GRM7: variants seen among roughly 807,000 people sequenced by gnomAD.
GRM7 encodes the protein metabotropic glutamate receptor 7.
GRM7 carries 35 observed loss-of-function variants against 84.5 expected under a neutral mutation model. The ratio of observed to expected loss-of-function variants is 0.41; its 90% CI spans 0.32 to 0.55. GRM7 has a LOEUF of 0.55. Ranked by LOEUF, GRM7 falls within the 20% of genes least tolerant of loss-of-function variation. GRM7 has a pLI of 0.19. For synonymous variants in GRM7, 487 were observed against 455.1 expected (o/e 1.07, Z -0.89); for missense variants, 1,003 against 1,194.6 (o/e 0.84, Z 2.36).
chr3:7,021,392 G>A (rs1695769082), intron 1 of GRM7, among the ~76,000 whole-genome samples: 1 of 152,168 alleles, frequency 6.6e-6, no homozygotes, highest in South Asian at 2.1e-4. Context: ...TGGAAGAGAA[G>A]GTTATGTGAA....
intron 2 of GRM7, among the ~76,000 whole-genome samples, chr3:7,159,849 C>A (rs1170778485): frequency 3.9e-5 from 6 of 152,086 alleles, no homozygotes; most frequent in African/African-American, 1.4e-4. Flanking sequence ...ATTTTAAAAA[C>A]TAAAAGTTCA....
intron 1 of GRM7, among the ~76,000 whole-genome samples, chr3:7,010,596 A>G (rs1695337302): frequency 1.3e-5 from 2 of 152,236 alleles, no homozygotes; most frequent in Admixed American, 6.5e-5. Context: ...GTGATAAGAC[A>G]TTGAAGATGG....
intron 2 of GRM7, among the ~76,000 whole-genome samples, chr3:7,258,023 C>T (rs1348556564): frequency 6.6e-6 from 1 of 152,140 alleles, no homozygotes; most frequent in Non-Finnish European, 1.5e-5. Flanking sequence ...TATACCCCAA[C>T]TCTAAAAGTG....
chr3:7,046,978 G>A (rs1696825919), intron 1 of GRM7, among the ~76,000 whole-genome samples: 1 of 151,998 alleles, frequency 6.6e-6, no homozygotes, highest in African/African-American at 2.4e-5. Flanking sequence ...ACTGAAAACA[G>A]GAAGGGGATA....
intron 4 of GRM7, among the ~76,000 whole-genome samples, chr3:7,342,535 A>C (rs1443697438): frequency 6.6e-6 from 1 of 152,152 alleles, no homozygotes; most frequent in African/African-American, 2.4e-5. Context: ...TCCAGAGTAC[A>C]CCGAGGGAAG....
intron 1 of GRM7, among the ~76,000 whole-genome samples, chr3:6,895,830 A>T (rs1267928507): frequency 6.6e-6 from 1 of 152,144 alleles, no homozygotes; most frequent in Non-Finnish European, 1.5e-5. Context: ...ACTGAATGGA[A>T]ATGAACATGT....
At chr3:7,397,084 C>G (rs1266637579) in intron 4 of GRM7, among the ~76,000 whole-genome samples, 6 of 151,970 alleles carry the variant, frequency 3.9e-5, no homozygotes. Context: ...CACCATTTTA[C>G]TATGATTATA....
At chr3:7,566,010 T>A (rs968906030) in intron 7 of GRM7, among the ~76,000 whole-genome samples, 12 of 151,996 alleles carry the variant, frequency 7.9e-5, no homozygotes, top group African/African-American at 2.4e-4. Context: ...AAGGGAGATA[T>A]CAAAGATGAC....
intron 8 of GRM7, among the ~76,000 whole-genome samples, chr3:7,648,330 C>T (rs1286765074): frequency 2.0e-5 from 3 of 150,746 alleles, no homozygotes; most frequent in Non-Finnish European, 4.4e-5. Flanking sequence ...ATAATTGAAG[C>T]AAGACTTGAA....
intron 7 of GRM7, among the ~76,000 whole-genome samples, chr3:7,548,412 G>A (rs2125022824): frequency 6.6e-6 from 1 of 152,248 alleles, no homozygotes; most frequent in African/African-American, 2.4e-5. Context: ...CCTGCTTCTG[G>A]TATAGCCTAC....
intron 2 of GRM7, among the ~76,000 whole-genome samples, chr3:7,189,793 CAA>C (rs1386788919): frequency 6.6e-6 from 1 of 151,994 alleles, no homozygotes; most frequent in Non-Finnish European, 1.5e-5. Context: ...TTAATGGTAA[CAA>C]ATCATCTTGC....
intron 1 of GRM7, among the ~76,000 whole-genome samples, chr3:7,110,105 A>T (rs1692792396): frequency 6.6e-6 from 1 of 152,128 alleles, no homozygotes; most frequent in African/African-American, 2.4e-5. Flanking sequence ...TTATTTTAAA[A>T]ACTGAAGATG....
At chr3:6,886,660 A>G (rs967249155) in intron 1 of GRM7, among the ~76,000 whole-genome samples, 6 of 152,052 alleles carry the variant, frequency 3.9e-5, no homozygotes, top group Non-Finnish European at 8.8e-5. Context: ...TCTGATATAT[A>G]GAATATTTGT....
intron 8 of GRM7, among the ~76,000 whole-genome samples, chr3:7,677,289 A>AAAAAAAAAACAAAAAAAC (rs1700172717): frequency 6.8e-6 from 1 of 146,754 alleles, no homozygotes; most frequent in African/African-American, 2.5e-5. Context: ...AAAAAAAAAA[A>AAAAAAAAAACAAAAAAAC]AAAAACTTAC....
At chr3:7,201,003 T>A (rs1001511870) in intron 2 of GRM7, among the ~76,000 whole-genome samples, 2 of 123,260 alleles carry the variant, frequency 1.6e-5, no homozygotes, top group African/African-American at 3.3e-5. Context: ...ACAGTCTCAC[T>A]CTGTCGCCCA....
chr3:7,416,744 G>A (rs1696176807), intron 5 of GRM7, among the ~76,000 whole-genome samples: 1 of 152,014 alleles, frequency 6.6e-6, no homozygotes, highest in Admixed American at 6.6e-5. Context: ...TCTGAGATAT[G>A]GTCCCTAGAA....
intron 2 of GRM7, among the ~76,000 whole-genome samples, chr3:7,185,818 C>T (rs1695494952): frequency 6.6e-6 from 1 of 152,158 alleles, no homozygotes; most frequent in African/African-American, 2.4e-5. Context: ...TGATGCTTTG[C>T]ATAGCTAATT....
At chr3:7,546,269 C>A (rs1272569694) in intron 7 of GRM7, among the ~76,000 whole-genome samples, 2 of 152,200 alleles carry the variant, frequency 1.3e-5, no homozygotes, top group Non-Finnish European at 2.9e-5. Context: ...CTATGCCTAA[C>A]ATTTTGCTAG....
At chr3:6,938,673 T>C (rs1190346548) in intron 1 of GRM7, among the ~76,000 whole-genome samples, 1 of 152,158 alleles carries the variant, frequency 6.6e-6, no homozygotes, top group Admixed American at 6.5e-5. Context: ...CAGGGCCCAT[T>C]CTCACATTTC....
Sources: allele counts gnomAD v4.1 joint callset (sites outside exome capture counted in the v4.1 genomes callset), GRCh38; gene constraint gnomAD v4.1.1; transcripts MANE v1.5; gene names NCBI Gene and HGNC (gene_info 2026-07-23, HGNC 2026-07-21).